CANX: variants seen among roughly 807,000 people sequenced by gnomAD.
CANX encodes epididymis secretory sperm binding protein.
Under a neutral mutation model 75.7 loss-of-function variants are expected in CANX, and 14 were observed. The ratio of observed to expected loss-of-function variants is 0.19; its 90% CI spans 0.12 to 0.29. CANX has a LOEUF of 0.29. Ranked by LOEUF, CANX falls within the 10% of genes least tolerant of loss-of-function variation. The probability of loss-of-function intolerance (pLI) is 1.00; values close to 1 mark genes in which losing one functional copy is unlikely to be tolerated. For synonymous variants in CANX, 227 were observed against 236.9 expected (o/e 0.96, Z 0.38); for missense variants, 567 against 713.2 (o/e 0.79, Z 2.34).
At chr5:179,694,257 C>A, upstream of CANX, 1 of 434,700 alleles carries the variant, frequency 2.3e-6, no homozygotes, top group South Asian at 4.1e-5. Flanking sequence ...CTTCTTTGTG[C>A]AGACATGCAG....
chr5:179,696,368 C>T (rs1310240253), upstream of CANX, among the ~76,000 whole-genome samples: 2 of 149,542 alleles, frequency 1.3e-5, no homozygotes, highest in Admixed American at 6.8e-5. Flanking sequence ...CTCTGCCTCC[C>T]GGGTTCAAGC....
intron 1 of CANX, among the ~76,000 whole-genome samples, chr5:179,692,806 G>A (rs1419535816): frequency 2.6e-5 from 4 of 152,100 alleles, no homozygotes; most frequent in Admixed American, 1.3e-4. Context: ...AAGAGCCATC[G>A]CATGAGCACA....
chr5:179,714,588 G>A (rs11746924), intron 7 of CANX, among the ~76,000 whole-genome samples: 35,757 of 151,074 alleles, frequency 0.24, 4,664 homozygotes, highest in Non-Finnish European at 0.3. Flanking sequence ...TGCGATCTCC[G>A]CTCAGTGCAA....
In CANX at chr5:179,702,868, C is replaced by G. The variant is rs530668363; in HGVS notation, c.-3-2811C>G. ...CACTGCAAACTCCACTTCCCGGGTTCAAGCTATTCTCCTGCCTCAGCCTCC... is the reference window on the plus strand; with the variant it reads ...CACTGCAAACTCCACTTCCCGGGTTGAAGCTATTCTCCTGCCTCAGCCTCC... On this transcript the variant is annotated intron_variant, in intron 1 of 14. Coordinates refer to ENST00000247461, the MANE Select transcript of CANX (RefSeq NM_001746.4). Among the ~76,000 whole-genome samples, 9 of 152,180 alleles carry G rather than the reference C, an allele frequency of 5.9e-5. No homozygotes were observed. The East Asian group carries it at 1.4e-3, about 23-fold the overall frequency.
At chr5:179,719,121 G>C (rs959347622) in intron 8 of CANX, among the ~76,000 whole-genome samples, 1 of 152,102 alleles carries the variant, frequency 6.6e-6, no homozygotes, top group African/African-American at 2.4e-5. Context: ...CATTTCTCTT[G>C]GGTATATATA....
chr5:179,710,256 C>T (rs901199571), intron 7 of CANX, among the ~76,000 whole-genome samples, 191 bp downstream of exon 7: 1 of 151,508 alleles, frequency 6.6e-6, no homozygotes, highest in African/African-American at 2.4e-5. Flanking sequence ...AACTTCACCT[C>T]TACTAAAAAT....
chr5:179,691,970 C>T (rs1456019636), intron 1 of CANX, among the ~76,000 whole-genome samples: 2 of 151,022 alleles, frequency 1.3e-5, no homozygotes, highest in Non-Finnish European at 2.9e-5. Context: ...TTAGTAGAGA[C>T]GGGATTTCAC....
chr5:179,694,245 G>A (rs1581824714), upstream of CANX: 3 of 381,128 alleles, frequency 7.9e-6, no homozygotes, highest in Non-Finnish European at 1.5e-5. Flanking sequence ...GTCTGCTTAT[G>A]TCTTCTTTGT....
At chr5:179,691,996 A>G (rs992004544) in intron 1 of CANX, among the ~76,000 whole-genome samples, 5 of 149,840 alleles carry the variant, frequency 3.3e-5, no homozygotes, top group Admixed American at 1.3e-4. Context: ...TAGCCAGGAC[A>G]GTCTCGATCT....
upstream of CANX, among the ~76,000 whole-genome samples, chr5:179,695,757 TCTC>T (rs1776387051): frequency 6.6e-6 from 1 of 151,768 alleles, no homozygotes; most frequent in African/African-American, 2.4e-5. Flanking sequence ...TTCACACCAT[TCTC>T]CTGCCTCAGC....
chr5:179,726,818 G>A, intron 14 of CANX, 59 bp downstream of exon 14: 1 of 1,296,314 alleles, frequency 7.7e-7, no homozygotes, highest in South Asian at 1.2e-5. Flanking sequence ...TTATGTAAAG[G>A]GAATATTTTA....
At chr5:179,690,673 C>T (rs947685316) in intron 1 of CANX, among the ~76,000 whole-genome samples, 3 of 150,704 alleles carry the variant, frequency 2.0e-5, no homozygotes, top group East Asian at 2.0e-4. Context: ...AGGTGGATCA[C>T]GAGGTCAGGA....
chr5:179,709,128 G>T (rs1777349658), intron 6 of CANX, 69 bp downstream of exon 6: 1 of 959,688 alleles, frequency 1.0e-6, no homozygotes, highest in Non-Finnish European at 1.7e-6. Context: ...TTGTAATTGG[G>T]CCGGGTGCAG....
chr5:179,691,706 T>G (rs1377377170), intron 1 of CANX, among the ~76,000 whole-genome samples: 1 of 152,180 alleles, frequency 6.6e-6, no homozygotes, highest in Non-Finnish European at 1.5e-5. Flanking sequence ...CCTTGGGCTC[T>G]TTGACATCCC....
intron 7 of CANX, among the ~76,000 whole-genome samples, chr5:179,712,062 C>T (rs1485088962): frequency 3.3e-5 from 5 of 149,698 alleles, no homozygotes; most frequent in African/African-American, 7.4e-5. Flanking sequence ...CATGCCATTG[C>T]ACTCCAGCCT....
rs897451344 is a variant in CANX, at chr5:179,712,423, C to CTT, written c.721+2369_721+2370dup. ...GCCTCTTTCTGAAGAATATAATAAC[C>CTT]TTTTTTTTTTTTGAGATGGAGTTTC... On this transcript the variant is annotated intron_variant, in intron 7 of 14. Transcript: ENST00000247461. Among the ~76,000 whole-genome samples the CTT allele has an allele frequency of 3.7e-5, 5 of 133,550 alleles. No homozygotes were observed. In the East Asian group the frequency reaches 1.0e-3, roughly 27 times the overall value. The allele number at this position is 133,550 out of a possible 152,430, so 87.6% of individuals were successfully genotyped here.
chr5:179,699,953 T>A (rs1776622046), intron 1 of CANX, among the ~76,000 whole-genome samples: 1 of 152,192 alleles, frequency 6.6e-6, no homozygotes, highest in Admixed American at 6.6e-5. Context: ...TGTCAAGTAA[T>A]GGATATAATA....
At chr5:179,699,886 G>A (rs142237100) in intron 1 of CANX, 2 of 152,214 alleles carry the variant, frequency 1.3e-5, no homozygotes, top group African/African-American at 4.8e-5. Flanking sequence ...GTCTTTGATT[G>A]GTCATTGGTT....
At chr5:179,698,941 C>A (rs1027701158), upstream of CANX, 7 of 1,119,900 alleles carry the variant, frequency 6.3e-6, no homozygotes, top group South Asian at 1.8e-5. Context: ...GGCCGGGCTT[C>A]GTGCGGTGGG....
Sources: allele counts gnomAD v4.1 joint callset (sites outside exome capture counted in the v4.1 genomes callset), GRCh38; gene constraint gnomAD v4.1.1; transcripts MANE v1.5; gene names NCBI Gene and HGNC (gene_info 2026-07-23, HGNC 2026-07-21).